PLSCR2: variants seen among roughly 807,000 people sequenced by gnomAD.
The protein encoded by PLSCR2 is PL scramblase 2.
A neutral mutation model predicts 25.3 loss-of-function variants in PLSCR2; 18 were observed. The ratio of observed to expected loss-of-function variants is 0.71; its 90% CI spans 0.49 to 1.06. The LOEUF (loss-of-function observed/expected upper bound fraction) is 1.06, where lower values mean the gene tolerates loss of function less well. Ranked by LOEUF, PLSCR2 falls within the 50% of genes least tolerant of loss-of-function variation. PLSCR2 has a pLI of 0.00. For synonymous variants in PLSCR2, 88 were observed against 87.3 expected (o/e 1.01, Z -0.04); for missense variants, 243 against 269.5 (o/e 0.90, Z 0.69).
chr3:146,424,133 A>T (rs1047138124), intron 2 of PLSCR2, among the ~76,000 whole-genome samples: 31 of 26,424 alleles, frequency 1.2e-3, no homozygotes, highest in Non-Finnish European at 1.5e-3. Context: ...TAAAGTATTT[A>T]AAAAAAAAAA....
intron 1 of PLSCR2, among the ~76,000 whole-genome samples, chr3:146,482,433 C>T (rs1327516406): frequency 6.6e-6 from 1 of 152,180 alleles, no homozygotes; most frequent in Non-Finnish European, 1.5e-5. Flanking sequence ...ACAGACACTT[C>T]TCAAAAGAAG....
At chr3:146,467,644 C>T (rs1362211461) in intron 1 of PLSCR2, among the ~76,000 whole-genome samples, 1 of 151,702 alleles carries the variant, frequency 6.6e-6, no homozygotes, top group Non-Finnish European at 1.5e-5. Context: ...TATAACAATA[C>T]AAATGTATTT....
At chr3:146,489,823 T>C (rs892270238) in intron 1 of PLSCR2, among the ~76,000 whole-genome samples, 20 of 152,216 alleles carry the variant, frequency 1.3e-4, no homozygotes, top group African/African-American at 4.6e-4. Flanking sequence ...TTAGTCATGA[T>C]TGAAGCTACC....
chr3:146,466,661 C>A (rs558851065), intron 1 of PLSCR2, among the ~76,000 whole-genome samples: 1 of 152,296 alleles, frequency 6.6e-6, no homozygotes, highest in Admixed American at 6.5e-5. Context: ...TTTCTAACAA[C>A]CCAGACCTCC....
At chr3:146,406,361 T>C (rs2038659078) in intron 2 of PLSCR2, among the ~76,000 whole-genome samples, 1 of 152,168 alleles carries the variant, frequency 6.6e-6, no homozygotes, top group Admixed American at 6.5e-5. Flanking sequence ...ATCTAAATCC[T>C]GCTGCAAGGT....
At chr3:146,431,485 C>T (rs1178586442), downstream of PLSCR2, among the ~76,000 whole-genome samples, 1 of 152,156 alleles carries the variant, frequency 6.6e-6, no homozygotes, top group African/African-American at 2.4e-5. Context: ...GGCCAAGACC[C>T]TACAGTTTCT....
intron 1 of PLSCR2, among the ~76,000 whole-genome samples, chr3:146,478,371 G>A (rs1479292394): frequency 1.3e-5 from 2 of 152,152 alleles, no homozygotes; most frequent in African/African-American, 4.8e-5. Context: ...TGGCTAACTA[G>A]AAAAAACAGT....
chr3:146,484,746 C>T (rs530654759), intron 1 of PLSCR2, among the ~76,000 whole-genome samples: 11 of 151,928 alleles, frequency 7.2e-5, no homozygotes, highest in Non-Finnish European at 7.4e-5. Flanking sequence ...ATGCTGAGGG[C>T]TATCATTTCC....
At chr3:146,429,901 A>G (rs747176401), downstream of PLSCR2, among the ~76,000 whole-genome samples, 16 of 152,180 alleles carry the variant, frequency 1.1e-4, no homozygotes, top group Non-Finnish European at 1.9e-4. Context: ...CTGGGATTAC[A>G]GTCAAGGATG....
rs1052051772 is a variant in PLSCR2, at chr3:146,459,908, T to C, written c.-4A>G. The C allele has an allele frequency of 1.2e-6, 2 of 1,614,082 alleles. No homozygotes were observed. Among genetic ancestry groups the C allele is most frequent in the Non-Finnish European group, 1.7e-6 (2 of 1,179,986 alleles). On this transcript the variant is annotated 5_prime_UTR_variant, in exon 2 of 7. An upstream start codon of the reference 5' UTR is lost. Transcript: ENST00000610787. ...ATGGTGGTGGTGGTGCTGGCATCCA[T>C]GGTACCCCTTCAGGTCTACCTGGCT...
chr3:146,466,193 G>C (rs1576697117), intron 1 of PLSCR2, among the ~76,000 whole-genome samples: 5 of 152,202 alleles, frequency 3.3e-5, no homozygotes, highest in Admixed American at 3.3e-4. Context: ...GTTTTATTGA[G>C]ACAGAGTCTT....
At chr3:146,436,864 G>A (rs1236166926), downstream of PLSCR2, among the ~76,000 whole-genome samples, 2 of 152,054 alleles carry the variant, frequency 1.3e-5, no homozygotes. Context: ...GTTTTCAAAG[G>A]GAATGCTTCC....
At chr3:146,442,316 A>G (rs2040293017) in intron 6 of PLSCR2, among the ~76,000 whole-genome samples, 1 of 152,126 alleles carries the variant, frequency 6.6e-6, no homozygotes, top group Non-Finnish European at 1.5e-5. Flanking sequence ...TGAAAAAGGC[A>G]CAAATAAATG....
chr3:146,491,542 T>A (rs1185240385), intron 1 of PLSCR2, among the ~76,000 whole-genome samples: 2 of 152,168 alleles, frequency 1.3e-5, no homozygotes, highest in African/African-American at 2.4e-5. Flanking sequence ...CTCAGATGTG[T>A]TCTTCATTTA....
upstream of PLSCR2, among the ~76,000 whole-genome samples, chr3:146,464,537 CAGAGAA>C (rs1217312807): frequency 1.3e-5 from 2 of 152,104 alleles, no homozygotes; most frequent in African/African-American, 2.4e-5. Flanking sequence ...GAAATAACTT[CAGAGAA>C]AGAGAAAATC....
At chr3:146,391,624 C>T (rs150441865) in intron 3 of PLSCR2, 94 of 152,528 alleles carry the variant, frequency 6.2e-4, no homozygotes, top group African/African-American at 2.2e-3. Flanking sequence ...CAACTACAGG[C>T]ATTAGACATG....
exon 5 of PLSCR2, chr3:146,454,121 T>G (rs776891934): frequency 1.2e-6 from 2 of 1,605,070 alleles, no homozygotes; most frequent in Non-Finnish European, 1.7e-6. Context: ...CAGGTCTGAG[T>G]AACATAACCT....
intron 2 of PLSCR2, among the ~76,000 whole-genome samples, chr3:146,404,761 T>C (rs2038595280): frequency 7.8e-6 from 1 of 128,530 alleles, no homozygotes; most frequent in Non-Finnish European, 1.6e-5. Context: ...AATACAATGG[T>C]GGAATAGGCA....
chr3:146,405,229 A>G (rs1479544199), intron 2 of PLSCR2, among the ~76,000 whole-genome samples: 1 of 152,234 alleles, frequency 6.6e-6, no homozygotes, highest in Admixed American at 6.5e-5. Context: ...AAATGGTTAC[A>G]GGAAAGTAAA....
Sources: allele counts gnomAD v4.1 joint callset (sites outside exome capture counted in the v4.1 genomes callset), GRCh38; gene constraint gnomAD v4.1.1; transcripts MANE v1.5; gene names NCBI Gene and HGNC (gene_info 2026-07-23, HGNC 2026-07-21).